TINAG: variants seen among roughly 807,000 people sequenced by gnomAD.
The protein encoded by TINAG is tubulointerstitial nephritis antigen.
In TINAG, 83 loss-of-function variants were observed where a neutral mutation model predicts 72.7. That is an observed-to-expected ratio of 1.14 (90% CI 0.96 to 1.37). The LOEUF is 1.37. Among genes scored for constraint, TINAG ranks in the 40% most tolerant of loss-of-function variants. The pLI is 0.00. For synonymous variants in TINAG, 234 were observed against 189.9 expected (o/e 1.23, Z -1.91); for missense variants, 685 against 576.6 (o/e 1.19, Z -1.93).
chr6:54,357,606 T>C (rs1000305850), intron 9 of TINAG, among the ~76,000 whole-genome samples: 2 of 151,938 alleles, frequency 1.3e-5, no homozygotes, highest in African/African-American at 2.4e-5. Context: ...CTTGGAGTCA[T>C]CCTTTATTCC....
intron 3 of TINAG, among the ~76,000 whole-genome samples, chr6:54,324,362 C>G (rs1784558593): frequency 6.6e-6 from 1 of 152,090 alleles, no homozygotes; most frequent in African/African-American, 2.4e-5. Flanking sequence ...GGCCATGTTT[C>G]TCCAGCAGGC....
At chr6:54,375,348 G>A (rs1239919841) in intron 9 of TINAG, among the ~76,000 whole-genome samples, 1 of 151,996 alleles carries the variant, frequency 6.6e-6, no homozygotes, top group African/African-American at 2.4e-5. Flanking sequence ...TATGTGTAGA[G>A]CCATATCAGT....
At chr6:54,335,851 A>C (rs1218876754) in intron 4 of TINAG, among the ~76,000 whole-genome samples, 1 of 152,160 alleles carries the variant, frequency 6.6e-6, no homozygotes, top group South Asian at 2.1e-4. Context: ...TAGACTATAC[A>C]TACAGCCAGG....
At chr6:54,329,036 T>C (rs1035853715) in intron 4 of TINAG, among the ~76,000 whole-genome samples, 1 of 152,042 alleles carries the variant, frequency 6.6e-6, no homozygotes, top group African/African-American at 2.4e-5. Flanking sequence ...TAGAACCAAG[T>C]TGGAAAACAC....
At chr6:54,342,775 C>T (rs1252516500) in intron 4 of TINAG, among the ~76,000 whole-genome samples, 5 of 152,104 alleles carry the variant, frequency 3.3e-5, no homozygotes, top group Non-Finnish European at 5.9e-5. Flanking sequence ...GGGCTCTATA[C>T]ACATATAATA....
intron 3 of TINAG, among the ~76,000 whole-genome samples, chr6:54,323,416 A>G (rs1784536492): frequency 6.6e-6 from 1 of 152,214 alleles, no homozygotes; most frequent in Admixed American, 6.5e-5. Context: ...TTTTATGTGT[A>G]AAAATATAAC....
intron 10 of TINAG, among the ~76,000 whole-genome samples, chr6:54,387,146 A>C (rs1011271448): frequency 2.0e-5 from 3 of 152,200 alleles, no homozygotes; most frequent in African/African-American, 7.2e-5. Context: ...CTAAATAGCC[A>C]TGTGAAAAGA....
intron 9 of TINAG, among the ~76,000 whole-genome samples, chr6:54,371,110 C>CTGTGTG (rs70983416): frequency 2.3e-3 from 343 of 149,076 alleles, no homozygotes; most frequent in Middle Eastern, 6.9e-3. Flanking sequence ...CTTACGAAAA[C>CTGTGTG]TGTGTGTGTG....
At chr6:54,344,826 G>A (rs1031339748) in intron 5 of TINAG, among the ~76,000 whole-genome samples, 1 of 151,942 alleles carries the variant, frequency 6.6e-6, no homozygotes, top group African/African-American at 2.4e-5. Flanking sequence ...TGTATCCTGT[G>A]AATTCAGTAT....
intron 1 of TINAG, among the ~76,000 whole-genome samples, chr6:54,311,999 C>A (rs1189617611): frequency 1.3e-5 from 2 of 152,028 alleles, no homozygotes; most frequent in African/African-American, 4.8e-5. Context: ...TCCATAGTGG[C>A]CTTATAATAC....
At chr6:54,324,681 C>T (rs1276807449) in intron 3 of TINAG, among the ~76,000 whole-genome samples, 1 of 152,188 alleles carries the variant, frequency 6.6e-6, no homozygotes, top group South Asian at 2.1e-4. Context: ...TCTATCTGCT[C>T]AACTTGAAAA....
intron 1 of TINAG, among the ~76,000 whole-genome samples, chr6:54,316,085 G>A (rs778822837): frequency 1.3e-5 from 2 of 152,060 alleles, no homozygotes; most frequent in African/African-American, 4.8e-5. Flanking sequence ...CCACATCTAC[G>A]TTGCATGAAA....
At chr6:54,382,490 T>C (rs1326516576) in intron 10 of TINAG, among the ~76,000 whole-genome samples, 1 of 152,082 alleles carries the variant, frequency 6.6e-6, no homozygotes, top group African/African-American at 2.4e-5. Context: ...TAAAACATAC[T>C]AGTGGTTTAA....
chr6:54,383,589 T>C (rs1317654712), intron 10 of TINAG, among the ~76,000 whole-genome samples: 2 of 152,112 alleles, frequency 1.3e-5, no homozygotes, highest in Non-Finnish European at 2.9e-5. Context: ...AGGCATGCTA[T>C]GGTTTGTTTG....
intron 10 of TINAG, among the ~76,000 whole-genome samples, chr6:54,389,219 CCCTT>C (rs1417564148): frequency 1.3e-5 from 2 of 152,118 alleles, no homozygotes; most frequent in African/African-American, 4.8e-5. Context: ...ACGTCAATCT[CCCTT>C]CCTCCTTTTA....
intron 9 of TINAG, among the ~76,000 whole-genome samples, chr6:54,372,017 GT>G (rs1299688825): frequency 9.9e-6 from 1 of 100,986 alleles, no homozygotes; most frequent in Non-Finnish European, 2.0e-5. Context: ...TTGAGATGGA[GT>G]TTTACCCTTG....
intron 5 of TINAG, among the ~76,000 whole-genome samples, chr6:54,346,971 T>C (rs1785138122): frequency 6.6e-6 from 1 of 152,072 alleles, no homozygotes; most frequent in Non-Finnish European, 1.5e-5. Flanking sequence ...ATTTAGAAAA[T>C]ATGTATTTTC....
intron 7 of TINAG, among the ~76,000 whole-genome samples, chr6:54,350,101 G>A (rs1266158241): frequency 2.0e-5 from 3 of 151,930 alleles, no homozygotes; most frequent in Non-Finnish European, 4.4e-5. Context: ...GTAAAGGACT[G>A]ACTTAAATTT....
rs549359573 is a variant in TINAG at position 54,370,330 on chromosome 6, G to C, written c.1251-10196G>C. Among the ~76,000 whole-genome samples the C allele has an allele frequency of 2.0e-5, 3 of 151,992 alleles. No individual in the cohort carries two copies. In the South Asian group the frequency reaches 6.2e-4, roughly 32 times the overall value. On this transcript the variant is annotated intron_variant, in intron 9 of 10. Transcript: ENST00000259782. ...TGTATTAAAGGTGGTGAAAAGAAAAGATTACATGAAGGCTAAGAAAATCCT... is the reference window on the plus strand; with the variant it reads ...TGTATTAAAGGTGGTGAAAAGAAAACATTACATGAAGGCTAAGAAAATCCT...
Sources: gnomAD v4.1 joint callset for allele counts (sites outside exome capture counted in the v4.1 genomes callset) on GRCh38, gnomAD v4.1.1 for gene constraint, MANE v1.5 for transcripts, NCBI Gene and HGNC (gene_info 2026-07-23, HGNC 2026-07-21) for gene names.